Variants in CDH13 observed in about 807,000 individuals in gnomAD.
CDH13 encodes the protein cadherin 13.
A neutral mutation model predicts 63.8 loss-of-function variants in CDH13; 24 were observed. The ratio of observed to expected loss-of-function variants is 0.38; its 90% CI spans 0.27 to 0.53. CDH13 has a LOEUF of 0.53. Among genes scored for constraint, CDH13 ranks in the 20% least tolerant of loss-of-function variants. The probability of loss-of-function intolerance (pLI) is 0.85; values close to 1 mark genes in which losing one functional copy is unlikely to be tolerated. For missense variants in CDH13, 1,049 were observed against 903.1 expected (o/e 1.16, Z -2.07); for synonymous variants, 503 against 355.3 (o/e 1.42, Z -4.67).
chr16:83,032,248 T>G (rs1194214034), intron 3 of CDH13, 30 bp downstream of exon 3: 9 of 1,569,442 alleles, frequency 5.7e-6, no homozygotes, highest in Non-Finnish European at 7.9e-6. Context: ...TAACTTGGGT[T>G]CAAGGAGGAC....
chr16:83,266,355 A>G (rs1216665901), intron 5 of CDH13, among the ~76,000 whole-genome samples: 3 of 152,210 alleles, frequency 2.0e-5, no homozygotes, highest in Middle Eastern at 3.2e-3. Context: ...TTCCATGGAT[A>G]TATGGTCCAC....
intron 6 of CDH13, among the ~76,000 whole-genome samples, chr16:83,459,003 T>G (rs2073099544): frequency 1.3e-5 from 2 of 152,256 alleles, no homozygotes; most frequent in African/African-American, 4.8e-5. Context: ...TTCTTTTTAT[T>G]TAACATCTTA....
chr16:83,567,487 G>A (rs564789299), intron 7 of CDH13, among the ~76,000 whole-genome samples: 2 of 152,300 alleles, frequency 1.3e-5, no homozygotes, highest in East Asian at 1.9e-4. Context: ...AAATGGCAGA[G>A]CTGGTGCATG....
At chr16:82,749,618 A>AT (rs1476688828) in intron 1 of CDH13, among the ~76,000 whole-genome samples, 1 of 152,186 alleles carries the variant, frequency 6.6e-6, no homozygotes, top group Non-Finnish European at 1.5e-5. Context: ...TGTTCATGCG[A>AT]TTGTTTTAAA....
intron 8 of CDH13, among the ~76,000 whole-genome samples, chr16:83,606,746 G>A (rs2150756772): frequency 7.5e-6 from 1 of 133,916 alleles, no homozygotes; most frequent in African/African-American, 3.4e-5. Flanking sequence ...AAAAAAGTTT[G>A]CAGGTAGACA....
intron 2 of CDH13, among the ~76,000 whole-genome samples, chr16:82,989,627 A>C (rs1364899165): frequency 1.3e-5 from 2 of 152,124 alleles, no homozygotes; most frequent in Non-Finnish European, 2.9e-5. Context: ...TGGAGACTTT[A>C]ATTTTCTCGA....
At chr16:83,717,436 C>G (rs920192753) in intron 10 of CDH13, among the ~76,000 whole-genome samples, 1 of 152,188 alleles carries the variant, frequency 6.6e-6, no homozygotes, top group Non-Finnish European at 1.5e-5. Context: ...ACGTGAAAGT[C>G]CCTGTCTCCA....
At chr16:82,940,160 A>T (rs1236340548) in intron 2 of CDH13, among the ~76,000 whole-genome samples, 1 of 152,170 alleles carries the variant, frequency 6.6e-6, no homozygotes, top group African/African-American at 2.4e-5. Flanking sequence ...ATTCAAGATG[A>T]GATTTGGGTT....
At chr16:83,399,470 C>T (rs892044864) in intron 6 of CDH13, among the ~76,000 whole-genome samples, 1 of 152,146 alleles carries the variant, frequency 6.6e-6, no homozygotes, top group Non-Finnish European at 1.5e-5. Context: ...TGTCAGATGG[C>T]CTTTCTCAAA....
chr16:83,699,987 C>T (rs965489668), intron 10 of CDH13, among the ~76,000 whole-genome samples: 11 of 152,152 alleles, frequency 7.2e-5, no homozygotes. Flanking sequence ...GACATATGTG[C>T]ACTCCCTTGA....
chr16:83,460,941 C>G (rs1199849158), intron 6 of CDH13, among the ~76,000 whole-genome samples: 1 of 151,356 alleles, frequency 6.6e-6, no homozygotes, highest in Admixed American at 6.6e-5. Flanking sequence ...GATCACTCCA[C>G]TGCACTCCAG....
At chr16:83,325,904 G>A (rs868466372) in intron 5 of CDH13, among the ~76,000 whole-genome samples, 1 of 152,116 alleles carries the variant, frequency 6.6e-6, no homozygotes, top group Non-Finnish European at 1.5e-5. Flanking sequence ...CTTACAGAAC[G>A]AAGTCCACAA....
At chr16:83,059,036 A>G (rs976183514) in intron 3 of CDH13, among the ~76,000 whole-genome samples, 1 of 152,166 alleles carries the variant, frequency 6.6e-6, no homozygotes, top group African/African-American at 2.4e-5. Context: ...AGCCCAGGAC[A>G]AGTGGTCAGG....
At chr16:82,892,948 C>G (rs977139456) in intron 2 of CDH13, among the ~76,000 whole-genome samples, 1 of 152,120 alleles carries the variant, frequency 6.6e-6, no homozygotes, top group South Asian at 2.1e-4. Context: ...CTCTCCAAGA[C>G]AAAGTTTGTA....
At chr16:83,647,928 A>G (rs929098039) in intron 8 of CDH13, among the ~76,000 whole-genome samples, 10 of 152,176 alleles carry the variant, frequency 6.6e-5, no homozygotes, top group African/African-American at 2.2e-4. Context: ...ATAAGCACAC[A>G]TGCAAGATGC....
chr16:83,543,175 G>A (rs1363448224), intron 7 of CDH13, among the ~76,000 whole-genome samples: 3 of 152,212 alleles, frequency 2.0e-5, no homozygotes, highest in African/African-American at 7.2e-5. Flanking sequence ...CAGCAATTTG[G>A]CCTGCATAAA....
intron 7 of CDH13, among the ~76,000 whole-genome samples, chr16:83,593,448 G>A (rs1283176039): frequency 6.6e-6 from 1 of 152,060 alleles, no homozygotes; most frequent in Admixed American, 6.6e-5. Flanking sequence ...CATCTGGGTA[G>A]CTTGAAATCA....
At chr16:83,099,459 GATT>G (rs2034366387) in intron 3 of CDH13, among the ~76,000 whole-genome samples, 1 of 151,526 alleles carries the variant, frequency 6.6e-6, no homozygotes, top group Non-Finnish European at 1.5e-5. Flanking sequence ...GAGTAGCTGG[GATT>G]ACAGGCACCT....
intron 5 of CDH13, among the ~76,000 whole-genome samples, chr16:83,241,569 T>G (rs1223712919): frequency 6.6e-6 from 1 of 152,232 alleles, no homozygotes; most frequent in African/African-American, 2.4e-5. Flanking sequence ...GATTTGCATT[T>G]CTTTTAGGAT....
Sources: allele counts gnomAD v4.1 joint callset (sites outside exome capture counted in the v4.1 genomes callset), GRCh38; gene constraint gnomAD v4.1.1; transcripts MANE v1.5; gene names NCBI Gene and HGNC (gene_info 2026-07-23, HGNC 2026-07-21).